The following DGKK variants were observed in gnomAD, a reference collection of about 807,000 sequenced individuals.
DGKK encodes diacylglycerol kinase kappa.
DGKK carries 35 observed loss-of-function variants against 92.2 expected under a neutral mutation model. The observed-to-expected ratio is 0.38, with a 90% CI of 0.29 to 0.50. The LOEUF (loss-of-function observed/expected upper bound fraction) is 0.50, where lower values mean the gene tolerates loss of function less well. Among genes scored for constraint, DGKK ranks in the 20% least tolerant of loss-of-function variants. DGKK has a pLI of 0.92. For synonymous variants in DGKK, 368 were observed against 360.6 expected (o/e 1.02, Z -0.23); for missense variants, 910 against 992.2 (o/e 0.92, Z 1.11).
At chrX:50,395,939 A>G (rs1208022155) in intron 8 of DGKK, among the ~76,000 whole-genome samples, 1 of 111,771 alleles carries the variant, frequency 8.9e-6, no homozygotes, top group Non-Finnish European at 1.9e-5. Flanking sequence ...TTACAGAGGC[A>G]TATGCATTTT....
At chrX:50,462,014 G>T (rs1460262213) in intron 1 of DGKK, among the ~76,000 whole-genome samples, 1 of 111,508 alleles carries the variant, frequency 9.0e-6, no homozygotes, top group Non-Finnish European at 1.9e-5. Flanking sequence ...CTAATTGGTA[G>T]TTAATAGCAA....
At chrX:50,391,643 C>A (rs2046005968) in intron 10 of DGKK, 67 bp from the exon 11 acceptor site, 15 of 1,111,830 alleles carry the variant, frequency 1.3e-5, no homozygotes, top group Non-Finnish European at 1.6e-5. Flanking sequence ...ATGAAGGAAC[C>A]CAGAGGGTAC....
chrX:50,390,302 C>T, intron 12 of DGKK, 26 bp downstream of exon 12: 1 of 1,192,577 alleles, frequency 8.4e-7, no homozygotes, highest in Non-Finnish European at 1.1e-6. Context: ...AGATATTGGT[C>T]TGAATTACAG....
Position 50,380,028 on chromosome X carries a change from G to T in DGKK, c.2707C>A (p.Leu903Ile), listed in dbSNP as rs1557224289. The T allele has an allele frequency of 8.3e-7, 1 of 1,211,728 alleles. No homozygotes were observed. The highest frequency in any genetic ancestry group is 1.8e-5 in the South Asian group (1 of 56,983). ...MWYGLLGTKE[L>I]LQRSYRKLEE... Reference sequence around the variant, plus strand: ...AGTTTCCTGTAAGAGCGCTGCAAAAGTTCTTTGGTTCCCAGAAGGCCATAC... The same window carrying T: ...AGTTTCCTGTAAGAGCGCTGCAAAATTTCTTTGGTTCCCAGAAGGCCATAC... Residue 903 changes from leucine to isoleucine, a missense_variant, in exon 19 of 28, where the codon CTT becomes ATT. Transcript: ENST00000611977.
chrX:50,418,904 T>C (rs782800221), intron 4 of DGKK, among the ~76,000 whole-genome samples: 13 of 111,931 alleles, frequency 1.2e-4, no homozygotes, highest in South Asian at 3.8e-4. Context: ...ATGCGACCTT[T>C]TATGCCAAAT....
At chrX:50,425,947 G>A (rs1209023249) in intron 1 of DGKK, among the ~76,000 whole-genome samples, 5 of 111,449 alleles carry the variant, frequency 4.5e-5, no homozygotes, top group African/African-American at 1.6e-4. Flanking sequence ...ATGGCTTTTG[G>A]TTTTTTTATC....
intron 1 of DGKK, among the ~76,000 whole-genome samples, chrX:50,449,561 A>G (rs1557232309): frequency 9.0e-6 from 1 of 111,418 alleles, no homozygotes; most frequent in Non-Finnish European, 1.9e-5. Flanking sequence ...AAATAATGTA[A>G]TGGGTCATAC....
intron 1 of DGKK, among the ~76,000 whole-genome samples, chrX:50,447,337 TATATATTATA>T (rs1926343963): frequency 4.1e-5 from 1 of 24,620 alleles, no homozygotes; most frequent in African/African-American, 1.4e-4. Flanking sequence ...TATATATATA[TATATATTATA>T]TATATATATA....
At chrX:50,403,313 T>A in intron 6 of DGKK, 130 bp from the exon 7 acceptor site, 4 of 923,259 alleles carry the variant, frequency 4.3e-6, no homozygotes, top group Non-Finnish European at 6.0e-6. Context: ...CCCTCCCTAC[T>A]CCAATGCAAG....
intron 1 of DGKK, among the ~76,000 whole-genome samples, chrX:50,424,864 TTTACC>T (rs1218241240): frequency 1.8e-5 from 2 of 111,539 alleles, no homozygotes; most frequent in Admixed American, 9.5e-5. Flanking sequence ...AAATCCAGTC[TTTACC>T]ATGGTTTGTC....
intron 27 of DGKK, 83 bp downstream of exon 27, chrX:50,370,343 T>G (rs782050850): frequency 1.8e-6 from 2 of 1,084,568 alleles, no homozygotes; most frequent in South Asian, 4.6e-5. Context: ...CAAACATTTC[T>G]AATGGGGGCT....
intron 1 of DGKK, among the ~76,000 whole-genome samples, chrX:50,436,619 AATT>A (rs1926034174): frequency 8.9e-6 from 1 of 112,079 alleles, no homozygotes; most frequent in African/African-American, 3.2e-5. Flanking sequence ...TTAAAGTAAT[AATT>A]ATTTAATTTA....
Position 50,384,165 on chromosome X carries a change from T to C in DGKK, c.2549+3A>G. 8.9e-7 allele frequency: 1 copy of C among 1,128,632 alleles called. No individual in the cohort carries two copies. Among genetic ancestry groups the C allele is most frequent in the Non-Finnish European group, 1.2e-6 (1 of 836,992 alleles). 93.0% of individuals were successfully genotyped at this position (1,128,632 alleles called of 1,213,427 possible). ...TTAAAAGGTGATAGAGTTAAATACT[T>C]ACATAGATTCAGGTGTAAAATGTAA... On this transcript the variant is annotated splice_donor_region_variant and intron_variant, in intron 17 of 27. Transcript: ENST00000611977.
chrX:50,425,358 T>TA lies in DGKK; in HGVS notation c.646-1001dup, dbSNP rs200662307. Among the ~76,000 whole-genome samples, 470 of 108,082 alleles carry TA rather than the reference T, an allele frequency of 4.3e-3. 1 individual carries two copies. Among genetic ancestry groups the TA allele is most frequent in the Middle Eastern group, 0.014 (3 of 210 alleles). 93.9% of individuals were successfully genotyped at this position (108,082 alleles called of 115,157 possible). A position where few individuals can be genotyped will look rare whatever the true frequency, so the allele number is the denominator to read the frequency against. On this transcript the variant is annotated intron_variant, in intron 1 of 27. Transcript: ENST00000611977. ...TTCAGGTTTCCTGTTTCTTTTTTTT[T>TA]AAAAAAAATTAGAACATCTGGTAAC...
Position 50,380,028 on chromosome X carries a change from G to C in DGKK, c.2707C>G (p.Leu903Val). The change falls in exon 19 of 28, where the codon CTT becomes GTT. Residue 903 changes from leucine to valine, a missense_variant. Coordinates refer to ENST00000611977, the MANE Select transcript of DGKK (RefSeq NM_001013742.4). ...MWYGLLGTKE[L>V]LQRSYRKLEE... ...AGTTTCCTGTAAGAGCGCTGCAAAAGTTCTTTGGTTCCCAGAAGGCCATAC... is the reference window on the plus strand; with the variant it reads ...AGTTTCCTGTAAGAGCGCTGCAAAACTTCTTTGGTTCCCAGAAGGCCATAC... The C allele has an allele frequency of 1.7e-6, 2 of 1,211,728 alleles. No homozygotes were observed. Among genetic ancestry groups the C allele is most frequent in the Non-Finnish European group, 2.2e-6 (2 of 895,402 alleles).
intron 1 of DGKK, among the ~76,000 whole-genome samples, chrX:50,444,240 C>A (rs1926235057): frequency 9.0e-6 from 1 of 111,629 alleles, no homozygotes; most frequent in Non-Finnish European, 1.9e-5. Context: ...AACTGGCAAA[C>A]TATTTTTGAA....
intron 2 of DGKK, among the ~76,000 whole-genome samples, chrX:50,423,243 T>C (rs1925645004): frequency 1.8e-5 from 2 of 112,143 alleles, no homozygotes; most frequent in African/African-American, 6.5e-5. Context: ...ACCCCATGTC[T>C]TGTTGCTCCA....
chrX:50,384,931 T>G, intron 15 of DGKK, 107 bp from the exon 16 acceptor site: 1 of 569,021 alleles, frequency 1.8e-6, no homozygotes, highest in East Asian at 3.4e-5. Flanking sequence ...TTACACTTAT[T>G]GAACATTTAT....
At chrX:50,376,224 G>A (rs1602266497) in intron 23 of DGKK, 59 bp from the exon 24 acceptor site, 3 of 1,161,865 alleles carry the variant, frequency 2.6e-6, no homozygotes, top group East Asian at 6.0e-5. Flanking sequence ...TCTGGCCTGG[G>A]GCACTGGTGA....
Sources: gnomAD v4.1 joint callset for allele counts (sites outside exome capture counted in the v4.1 genomes callset) on GRCh38, gnomAD v4.1.1 for gene constraint, MANE v1.5 for transcripts, NCBI Gene and HGNC (gene_info 2026-07-23, HGNC 2026-07-21) for gene names.